TPX2: variants seen among roughly 807,000 people sequenced by gnomAD.
The protein encoded by TPX2 is TPX2 microtubule nucleation factor, also known as targeting protein for Xklp2.
A neutral mutation model predicts 93.6 loss-of-function variants in TPX2; 21 were observed. The ratio of observed to expected loss-of-function variants is 0.22; its 90% confidence interval spans 0.16 to 0.32. The LOEUF is 0.32. Among genes scored for constraint, TPX2 ranks in the 10% least tolerant of loss-of-function variants. The pLI is 1.00. For missense variants in TPX2, 776 were observed against 871.1 expected (o/e 0.89, Z 1.37); for synonymous variants, 281 against 298.3 (o/e 0.94, Z 0.60).
Position 31,794,567 on chromosome 20 carries a change from A to C in TPX2, c.1833+19A>C. ...GCACCAGGTAGGGGATGGGGAGAGC[A>C]GCCAAAATGTTAATTGCTTGGTTGG... is the stretch of plus-strand genomic sequence containing the variant. On this transcript the variant is annotated intron_variant, in intron 15 of 17. Transcript: ENST00000300403. 18 of 1,611,558 alleles carry C rather than the reference A, an allele frequency of 1.1e-5. No individual in the cohort carries two copies. Among genetic ancestry groups the C allele is most frequent in the Non-Finnish European group, 1.5e-5 (18 of 1,179,012 alleles).
At chr20:31,763,889 C>T (rs975570537) in intron 4 of TPX2, among the ~76,000 whole-genome samples, 31 of 150,956 alleles carry the variant, frequency 2.1e-4, no homozygotes, top group Admixed American at 4.6e-4. Context: ...TGTGGTGGTG[C>T]GCACCTGTAG....
At chr20:31,750,923 T>A (rs1390924919) in intron 2 of TPX2, among the ~76,000 whole-genome samples, 1 of 152,130 alleles carries the variant, frequency 6.6e-6, no homozygotes, top group African/African-American at 2.4e-5. Context: ...TGTTGTCTTT[T>A]AAGAGACAGA....
intron 4 of TPX2, among the ~76,000 whole-genome samples, chr20:31,761,442 C>A (rs181660915): frequency 4.6e-5 from 7 of 152,204 alleles, no homozygotes; most frequent in African/African-American, 1.7e-4. Context: ...CCTTGTGATC[C>A]GCCCACCTCG....
At chr20:31,754,795 C>T (rs910507282) in intron 2 of TPX2, among the ~76,000 whole-genome samples, 3 of 151,980 alleles carry the variant, frequency 2.0e-5, no homozygotes, top group African/African-American at 7.3e-5. Flanking sequence ...GGAACAGATA[C>T]AGCCATTAAT....
At chr20:31,792,188 G>T (rs2062106202) in intron 12 of TPX2, among the ~76,000 whole-genome samples, 1 of 151,880 alleles carries the variant, frequency 6.6e-6, no homozygotes, top group Non-Finnish European at 1.5e-5. Context: ...AGGAATTTGA[G>T]ACCCATCTCT....
At position 31,785,777 on chromosome 20, in the gene TPX2, C is replaced by T. The variant is rs566725353; in HGVS notation, c.1413+1856C>T. Among the ~76,000 whole-genome samples the T allele has an allele frequency of 1.5e-4, 23 of 152,208 alleles. No individual in the cohort carries two copies. The Middle Eastern group carries it at 0.014, about 90-fold the overall frequency. Reference sequence around the variant, plus strand: ...CCTCCCAGAGTGCTGGGATTACAGGCGTGAGCCACCGTGCCTGGCTGGCAC... The same window carrying T: ...CCTCCCAGAGTGCTGGGATTACAGGTGTGAGCCACCGTGCCTGGCTGGCAC... On this transcript the variant is annotated intron_variant, in intron 12 of 17. Transcript: ENST00000300403.
chr20:31,800,897 G>T, intron 17 of TPX2, 73 bp from the exon 18 acceptor site: 1 of 1,293,148 alleles, frequency 7.7e-7, no homozygotes, highest in Non-Finnish European at 1.1e-6. Context: ...TTCTCAAAAA[G>T]AAAAAAATAA....
chr20:31,793,768 A>T, intron 13 of TPX2, 80 bp from the exon 14 acceptor site: 2 of 1,326,646 alleles, frequency 1.5e-6, no homozygotes, highest in Non-Finnish European at 2.0e-6. Context: ...ACATATTAAT[A>T]TAATGTCTTC....
intron 8 of TPX2, 133 bp downstream of exon 8, chr20:31,776,121 C>A: frequency 2.3e-6 from 2 of 884,656 alleles, no homozygotes; most frequent in Non-Finnish European, 2.8e-6. Context: ...TCGCCCAGGC[C>A]GGACTGCGGA....
intron 12 of TPX2, among the ~76,000 whole-genome samples, chr20:31,790,419 G>A (rs1316918686): frequency 6.6e-6 from 1 of 152,162 alleles, no homozygotes; most frequent in African/African-American, 2.4e-5. Flanking sequence ...AAATCTTCAC[G>A]TGTATTTTAA....
chr20:31,777,657 T>C lies in TPX2; in HGVS notation c.882+19T>C. On this transcript the variant is annotated intron_variant, in intron 9 of 17. Coordinates refer to ENST00000300403, the MANE Select transcript of TPX2 (RefSeq NM_012112.5). ...ATCTCCTGTAAGTTGATGGACTAAA[T>C]GAACATTTCTGTTACTAATATTCAT... 2 of 1,607,108 alleles carry C rather than the reference T, an allele frequency of 1.2e-6. No homozygotes were observed. Among genetic ancestry groups the C allele is most frequent in the South Asian group, 1.1e-5 (1 of 90,664 alleles).
intron 10 of TPX2, among the ~76,000 whole-genome samples, chr20:31,780,214 G>T (rs1306443145): frequency 6.6e-6 from 1 of 152,008 alleles, no homozygotes; most frequent in Non-Finnish European, 1.5e-5. Flanking sequence ...ACCATGCCCA[G>T]CTACTTTTTG....
intron 12 of TPX2, among the ~76,000 whole-genome samples, chr20:31,784,132 A>C (rs1336324124): frequency 2.6e-5 from 4 of 152,244 alleles, no homozygotes; most frequent in Non-Finnish European, 5.9e-5. Context: ...GAAAATGGAC[A>C]GAAGTGTTCT....
chr20:31,797,127 A>G (rs1239462468), intron 15 of TPX2, among the ~76,000 whole-genome samples: 1 of 152,066 alleles, frequency 6.6e-6, no homozygotes, highest in Non-Finnish European at 1.5e-5. Flanking sequence ...ATGTGAACAT[A>G]AACTAAAAAG....
intron 5 of TPX2, among the ~76,000 whole-genome samples, chr20:31,768,402 A>ATTTTTTT (rs71272861): frequency 1.4e-5 from 2 of 140,348 alleles, no homozygotes; most frequent in African/African-American, 2.6e-5. Context: ...CGCGCGGCTA[A>ATTTTTTT]TTTTTTTTTT....
At chr20:31,747,246 G>A (rs1016026027) in intron 2 of TPX2, among the ~76,000 whole-genome samples, 19 of 151,990 alleles carry the variant, frequency 1.3e-4, no homozygotes, top group East Asian at 3.9e-4. Context: ...TCAGCCTCCC[G>A]AGTAGCTGGG....
At chr20:31,771,795 AT>A (rs1355725150) in intron 7 of TPX2, 113 bp downstream of exon 7, 1 of 1,252,824 alleles carries the variant, frequency 8.0e-7, no homozygotes, top group African/African-American at 1.5e-5. Flanking sequence ...AGCTTTGACC[AT>A]GGTGAGGTGA....
intron 2 of TPX2, among the ~76,000 whole-genome samples, chr20:31,745,256 T>TA (rs750042600): frequency 1.3e-5 from 2 of 151,746 alleles, no homozygotes; most frequent in Non-Finnish European, 2.9e-5. Context: ...CAAAAGAATA[T>TA]AAAAAGCTTC....
intron 1 of TPX2, among the ~76,000 whole-genome samples, chr20:31,740,104 G>A (rs2061745374): frequency 6.6e-6 from 1 of 152,042 alleles, no homozygotes; most frequent in African/African-American, 2.4e-5. Flanking sequence ...GATTGGAGGG[G>A]GGAAGGAAAA....
Sources: allele counts gnomAD v4.1 joint callset (sites outside exome capture counted in the v4.1 genomes callset), GRCh38; gene constraint gnomAD v4.1.1; transcripts MANE v1.5; gene names NCBI Gene and HGNC (gene_info 2026-07-23, HGNC 2026-07-21).